Variants in CPNE4 observed in about 807,000 individuals in gnomAD.
CPNE4 encodes copine 4.
In CPNE4, 25 loss-of-function variants were observed where a neutral mutation model predicts 67.9. That is an observed-to-expected ratio of 0.37 (90% CI 0.27 to 0.51). The LOEUF is 0.51. CPNE4 is among the 20% of genes least tolerant of loss of function. The pLI is 0.93. For synonymous variants in CPNE4, 242 were observed against 244.9 expected (o/e 0.99, Z 0.11); for missense variants, 464 against 690.8 (o/e 0.67, Z 3.68).
At chr3:131,587,410 G>T in intron 8 of CPNE4, 74 bp downstream of exon 8, 1 of 939,908 alleles carries the variant, frequency 1.1e-6, no homozygotes, top group Non-Finnish European at 1.7e-6. Flanking sequence ...GCCTCTTGCT[G>T]TTTCATTGGT....
chr3:131,987,184 A>T (rs572035092), intron 1 of CPNE4, among the ~76,000 whole-genome samples: 3 of 152,338 alleles, frequency 2.0e-5, no homozygotes, highest in African/African-American at 7.2e-5. Flanking sequence ...TTGTAAGTTC[A>T]AGAACATGAA....
Position 131,568,175 on chromosome 3 carries a change from T to TAAGA in CPNE4, c.928-3830_928-3827dup, listed in dbSNP as rs1937156249. On this transcript the variant is annotated intron_variant, in intron 10 of 15. Transcript: ENST00000429747. ...CTAGACAGCAATGGACAGTCTTAAG[T>TAAGA]AAGAGTCAGCTAAAATATTTTCATT... Among the ~76,000 whole-genome samples, 11 of 151,784 alleles carry TAAGA rather than the reference T, an allele frequency of 7.2e-5. No individual in the cohort carries two copies. In the South Asian group the frequency reaches 2.3e-3, roughly 31 times the overall value.
chr3:131,801,444 G>GTATATA (rs1479645211), intron 2 of CPNE4, among the ~76,000 whole-genome samples: 5 of 85,040 alleles, frequency 5.9e-5, no homozygotes, highest in African/African-American at 2.0e-4. Context: ...GTGTGTGTGT[G>GTATATA]TGTGTGTGTA....
intron 7 of CPNE4, among the ~76,000 whole-genome samples, chr3:131,606,020 G>A (rs1313133555): frequency 1.3e-5 from 2 of 152,150 alleles, no homozygotes; most frequent in African/African-American, 4.8e-5. Context: ...GTTTCTAAAT[G>A]AGCCATGCTA....
intron 2 of CPNE4, among the ~76,000 whole-genome samples, chr3:131,740,233 TA>T (rs2082326378): frequency 6.6e-6 from 1 of 152,200 alleles, no homozygotes; most frequent in Admixed American, 6.5e-5. Context: ...CATCTATGTA[TA>T]AGGAAATGTC....
intron 7 of CPNE4, among the ~76,000 whole-genome samples, chr3:131,665,710 GA>G (rs532354962): frequency 7.7e-4 from 116 of 151,276 alleles, no homozygotes; most frequent in South Asian, 3.8e-3. Flanking sequence ...AAGAGAAAAA[GA>G]AAAAAAGTTA....
intron 11 of CPNE4, among the ~76,000 whole-genome samples, chr3:131,561,874 A>G (rs1231238665): frequency 6.6e-6 from 1 of 152,078 alleles, no homozygotes; most frequent in African/African-American, 2.4e-5. Context: ...TCAGTTTTCA[A>G]GTGAGCAGCT....
chr3:131,551,245 C>T (rs35949610), intron 13 of CPNE4, among the ~76,000 whole-genome samples: 21,929 of 152,032 alleles, frequency 0.14, 1,701 homozygotes, highest in African/African-American at 0.2. Flanking sequence ...AATCCTGCAC[C>T]CACTTGGCCC....
rs1205205355 is a variant in CPNE4, at chr3:132,005,334, TATATATATACACAC to T, written c.-2+29219_-2+29232del. On this transcript the variant is annotated intron_variant, in intron 1 of 15. Coordinates refer to ENST00000429747, the MANE Select transcript of CPNE4 (RefSeq NM_130808.3). ...TTTTACATATATATATATATATATA[TATATATATACACAC>T]ACACACACACACACACACACACACA... is the stretch of plus-strand genomic sequence containing the variant. Among the ~76,000 whole-genome samples, 22 of 46,480 alleles carry T rather than the reference TATATATATACACAC, an allele frequency of 4.7e-4. 1 individual carries two copies. The highest frequency in any genetic ancestry group is 2.2e-3 in the African/African-American group (20 of 8,976). The allele number at this position is 46,480 out of a possible 152,430, so 30.5% of individuals were successfully genotyped here. A position where few individuals can be genotyped will look rare whatever the true frequency, so the allele number is the denominator to read the frequency against.
chr3:131,627,280 C>A (rs2079103281), intron 7 of CPNE4, among the ~76,000 whole-genome samples: 1 of 151,864 alleles, frequency 6.6e-6, no homozygotes, highest in Non-Finnish European at 1.5e-5. Flanking sequence ...AAGAATAAAG[C>A]CTGAATGGCA....
At chr3:131,724,565 C>T (rs989238245) in intron 2 of CPNE4, among the ~76,000 whole-genome samples, 4 of 152,276 alleles carry the variant, frequency 2.6e-5, no homozygotes, top group East Asian at 1.9e-4. Context: ...TGGAGGACTT[C>T]GCAGGAGATC....
At chr3:131,868,333 G>T (rs1309673219) in intron 2 of CPNE4, among the ~76,000 whole-genome samples, 2 of 152,140 alleles carry the variant, frequency 1.3e-5, no homozygotes, top group African/African-American at 2.4e-5. Flanking sequence ...AGAGAGGCAG[G>T]CATGCATATC....
At chr3:131,879,946 T>C (rs1462259885) in intron 2 of CPNE4, among the ~76,000 whole-genome samples, 1 of 152,042 alleles carries the variant, frequency 6.6e-6, no homozygotes, top group African/African-American at 2.4e-5. Flanking sequence ...TGGGCTCCTC[T>C]TCCCAATGTA....
chr3:131,993,609 A>G (rs904651372), intron 1 of CPNE4, among the ~76,000 whole-genome samples: 1 of 135,210 alleles, frequency 7.4e-6, no homozygotes, highest in African/African-American at 2.5e-5. Flanking sequence ...AGCCCTTGGT[A>G]GAAGATGAGC....
chr3:131,756,964 G>C (rs1316471686), intron 2 of CPNE4, among the ~76,000 whole-genome samples: 1 of 152,172 alleles, frequency 6.6e-6, no homozygotes, highest in Admixed American at 6.5e-5. Flanking sequence ...CACTGCCATG[G>C]AAGAAGTGCC....
chr3:131,795,742 C>A (rs2083901734), intron 2 of CPNE4, among the ~76,000 whole-genome samples: 1 of 152,192 alleles, frequency 6.6e-6, no homozygotes, highest in African/African-American at 2.4e-5. Context: ...GTATTTTGAA[C>A]ATGGGTCCCC....
At chr3:131,827,972 G>A (rs2085228508) in intron 2 of CPNE4, among the ~76,000 whole-genome samples, 1 of 151,964 alleles carries the variant, frequency 6.6e-6, no homozygotes, top group Non-Finnish European at 1.5e-5. Flanking sequence ...TCTTCACGAG[G>A]TTCCTGCAAA....
intron 1 of CPNE4, among the ~76,000 whole-genome samples, chr3:131,984,486 C>T: frequency 6.6e-6 from 1 of 152,166 alleles, no homozygotes; most frequent in Admixed American, 6.5e-5. Context: ...TCTTCTCCCC[C>T]ACCTCTATCA....
chr3:131,540,171 G>GTTAC lies in CPNE4; in HGVS notation c.1539+2382_1539+2385dup, dbSNP rs752703660. Among the ~76,000 whole-genome samples, 9 of 152,300 alleles carry GTTAC rather than the reference G, an allele frequency of 5.9e-5. No homozygotes were observed. In the East Asian group the frequency reaches 9.7e-4, roughly 16 times the overall value. ...TGTGGGAAGATTGACTGCTGTTGCT[G>GTTAC]TTACTTAGAAACTCTCTCTGTGATC... is the stretch of plus-strand genomic sequence containing the variant. On this transcript the variant is annotated intron_variant, in intron 15 of 15. Coordinates refer to ENST00000429747, the MANE Select transcript of CPNE4 (RefSeq NM_130808.3).
Sources: allele counts gnomAD v4.1 joint callset (sites outside exome capture counted in the v4.1 genomes callset), GRCh38; gene constraint gnomAD v4.1.1; transcripts MANE v1.5; gene names NCBI Gene and HGNC (gene_info 2026-07-23, HGNC 2026-07-21).